B3GLCT: variants seen among roughly 807,000 people sequenced by gnomAD.
B3GLCT encodes beta-1,3-glucosyltransferase.
Under a neutral mutation model 63.4 loss-of-function variants are expected in B3GLCT, and 65 were observed. The ratio of observed to expected loss-of-function variants is 1.03; its 90% CI spans 0.84 to 1.26. The LOEUF is 1.26. B3GLCT is among the 50% of genes most tolerant of loss of function. The pLI, the probability that B3GLCT is intolerant of heterozygous loss-of-function variation, is 0.00. For synonymous variants in B3GLCT, 233 were observed against 219.2 expected, an observed-to-expected ratio of 1.06 and a Z score of -0.55; for missense variants, 577 against 604.8, an observed-to-expected ratio of 0.95 and a Z score of 0.48.
intron 4 of B3GLCT, among the ~76,000 whole-genome samples, chr13:31,244,353 G>A (rs1030858357): frequency 4.6e-5 from 7 of 152,028 alleles, no homozygotes; most frequent in East Asian, 1.9e-4. Flanking sequence ...TTAGCCAGGC[G>A]TGGTGGTGCA....
chr13:31,279,581 A>G (rs929064050), intron 10 of B3GLCT, among the ~76,000 whole-genome samples: 3 of 152,164 alleles, frequency 2.0e-5, no homozygotes, highest in Non-Finnish European at 4.4e-5. Flanking sequence ...TTGCTTCACA[A>G]GGTAATAAAA....
intron 12 of B3GLCT, among the ~76,000 whole-genome samples, chr13:31,295,917 G>A (rs1329827010): frequency 6.6e-6 from 1 of 152,224 alleles, no homozygotes; most frequent in Non-Finnish European, 1.5e-5. Flanking sequence ...CCAGTTTTGT[G>A]TGTGAAACCC....
rs369574027 is a variant in B3GLCT at position 31,250,870 on chromosome 13, C to T, written c.459+2904C>T. On this transcript the variant is annotated intron_variant, in intron 6 of 14. Transcript: ENST00000343307. ...ACAGTGTTTGAGCTCTGATAAGGGA[C>T]AGCCTCCCTCCTGAAGTGGGTCCCT... Among the ~76,000 whole-genome samples the T allele has an allele frequency of 4.1e-4, 62 of 152,328 alleles. 1 individual carries two copies. Among genetic ancestry groups the T allele is most frequent in the African/African-American group, 1.5e-3 (61 of 41,578 alleles).
intron 2 of B3GLCT, among the ~76,000 whole-genome samples, 178 bp from the exon 3 acceptor site, chr13:31,222,774 T>C (rs1333156781): frequency 6.6e-6 from 1 of 152,236 alleles, no homozygotes; most frequent in Non-Finnish European, 1.5e-5. Flanking sequence ...AGTACATCAT[T>C]GCTCCGTGGT....
chr13:31,317,167 A>T (rs1467648413), intron 12 of B3GLCT, among the ~76,000 whole-genome samples: 1 of 152,182 alleles, frequency 6.6e-6, no homozygotes, highest in East Asian at 1.9e-4. Context: ...TACCAAGTTC[A>T]TCTGAAAAGA....
At chr13:31,272,500 G>A (rs1326567791) in intron 8 of B3GLCT, among the ~76,000 whole-genome samples, 1 of 152,102 alleles carries the variant, frequency 6.6e-6, no homozygotes, top group Non-Finnish European at 1.5e-5. Context: ...ACAGGAGTGA[G>A]CCACCGTGCC....
At chr13:31,218,447 A>G (rs1317393700) in intron 2 of B3GLCT, among the ~76,000 whole-genome samples, 3 of 151,974 alleles carry the variant, frequency 2.0e-5, no homozygotes. Flanking sequence ...CAGCCTCCCA[A>G]AGTGCTGGGA....
rs568753303 is a variant in B3GLCT, at chr13:31,282,581, G to T, written c.851-2067G>T. Among the ~76,000 whole-genome samples the T allele has an allele frequency of 1.9e-4, 29 of 150,508 alleles. No individual in the cohort carries two copies. The South Asian group carries it at 5.9e-3, about 30-fold the overall frequency. ...GGTGTGAACCCAGGAGGCAGAGCTT[G>T]CAGTGAGCTGAGATCACACCACTGC... On this transcript the variant is annotated intron_variant, in intron 10 of 14. Transcript: ENST00000343307.
intron 6 of B3GLCT, among the ~76,000 whole-genome samples, chr13:31,249,679 A>AAT (rs1871340526): frequency 6.6e-6 from 1 of 152,222 alleles, no homozygotes; most frequent in African/African-American, 2.4e-5. Context: ...AACAGAGGTA[A>AAT]AAGGAGATGT....
At position 31,274,494 on chromosome 13, in the gene B3GLCT, C is replaced by G. The variant is rs757637815; in HGVS notation, c.661-15C>G. On this transcript the variant is annotated splice_polypyrimidine_tract_variant and intron_variant, in intron 8 of 14. Transcript: ENST00000343307. Reference sequence around the variant, plus strand: ...TGAGTTCTTTCATCACTGCCTGTCTCCTGTCTCGTGGCAGATTGCCCTCTA... The same window carrying G: ...TGAGTTCTTTCATCACTGCCTGTCTGCTGTCTCGTGGCAGATTGCCCTCTA... 6.2e-7 allele frequency: 1 copy of G among 1,614,198 alleles called. No individual in the cohort carries two copies. Among genetic ancestry groups the G allele is most frequent in the Non-Finnish European group, 8.5e-7 (1 of 1,180,014 alleles).
chr13:31,223,899 G>C (rs1869958626), intron 3 of B3GLCT, among the ~76,000 whole-genome samples: 1 of 152,156 alleles, frequency 6.6e-6, no homozygotes. Flanking sequence ...TGATGGATAA[G>C]CCTGGGTTCC....
At chr13:31,257,323 A>T (rs114264820) in intron 6 of B3GLCT, among the ~76,000 whole-genome samples, 6 of 152,074 alleles carry the variant, frequency 3.9e-5, no homozygotes, top group Admixed American at 3.3e-4. Flanking sequence ...AGTGATTTTC[A>T]TATTGGTTAA....
intron 7 of B3GLCT, among the ~76,000 whole-genome samples, chr13:31,268,565 A>G (rs779318031): frequency 2.4e-4 from 37 of 152,328 alleles, no homozygotes; most frequent in Admixed American, 5.9e-4. Context: ...AAGTTTGCTC[A>G]GTAAAGGTTG....
intron 3 of B3GLCT, among the ~76,000 whole-genome samples, chr13:31,223,940 T>C (rs1869961983): frequency 6.6e-6 from 1 of 152,146 alleles, no homozygotes; most frequent in Admixed American, 6.5e-5. Context: ...TATGCTCTTC[T>C]TGCTTCCTCT....
intron 1 of B3GLCT, among the ~76,000 whole-genome samples, chr13:31,206,557 A>C (rs1868962798): frequency 1.4e-5 from 2 of 146,968 alleles, no homozygotes; most frequent in Non-Finnish European, 3.0e-5. Context: ...TGGTCAACAT[A>C]GTGAAACCCT....
At chr13:31,256,497 C>T (rs537957642) in intron 6 of B3GLCT, among the ~76,000 whole-genome samples, 145 of 152,226 alleles carry the variant, frequency 9.5e-4, no homozygotes, top group African/African-American at 3.3e-3. Context: ...GCACTGTTCA[C>T]AATAGCAAAG....
intron 8 of B3GLCT, among the ~76,000 whole-genome samples, chr13:31,273,743 T>C (rs1216440593): frequency 6.6e-6 from 1 of 152,238 alleles, no homozygotes; most frequent in African/African-American, 2.4e-5. Flanking sequence ...TGGGTTATAC[T>C]GACGAGATAA....
intron 13 of B3GLCT, among the ~76,000 whole-genome samples, chr13:31,322,688 G>T (rs765765101): frequency 1.3e-5 from 2 of 151,984 alleles, no homozygotes; most frequent in South Asian, 2.1e-4. Flanking sequence ...TCATGCTCAC[G>T]TTTCATCTTC....
chr13:31,282,452 A>G (rs1000970480), intron 10 of B3GLCT, among the ~76,000 whole-genome samples: 5 of 152,104 alleles, frequency 3.3e-5, no homozygotes, highest in Non-Finnish European at 7.4e-5. Context: ...ATCCTGGCTA[A>G]CACGGTGAAA....
Sources: allele counts gnomAD v4.1 joint callset (sites outside exome capture counted in the v4.1 genomes callset), GRCh38; gene constraint gnomAD v4.1.1; transcripts MANE v1.5; gene names NCBI Gene and HGNC (gene_info 2026-07-23, HGNC 2026-07-21).